The following FOXK2 variants were observed in gnomAD, a reference collection of about 807,000 sequenced individuals.
FOXK2 encodes the protein forkhead box K2, also known as forkhead box protein K2.
In FOXK2, 24 loss-of-function variants were observed where a neutral mutation model predicts 53.3. The ratio of observed to expected loss-of-function variants is 0.45; its 90% CI spans 0.33 to 0.63. The LOEUF is 0.63. FOXK2 is among the 30% of genes least tolerant of loss of function. FOXK2 has a pLI of 0.03. For synonymous variants in FOXK2, 505 were observed against 407.1 expected (o/e 1.24, Z -2.89); for missense variants, 952 against 910.5 (o/e 1.05, Z -0.59).
At chr17:82,527,638 G>A (rs1279970688) in intron 1 of FOXK2, among the ~76,000 whole-genome samples, 1 of 152,100 alleles carries the variant, frequency 6.6e-6, no homozygotes, top group Non-Finnish European at 1.5e-5. Flanking sequence ...CAAAACCGAA[G>A]ATATTCATTT....
At chr17:82,525,126 C>T (rs2044404049) in intron 1 of FOXK2, among the ~76,000 whole-genome samples, 1 of 151,914 alleles carries the variant, frequency 6.6e-6, no homozygotes, top group African/African-American at 2.4e-5. Flanking sequence ...CAGATGCCCG[C>T]CACCATGCCC....
chr17:82,546,637 C>T (rs543518955), intron 1 of FOXK2, among the ~76,000 whole-genome samples: 1 of 151,420 alleles, frequency 6.6e-6, no homozygotes, highest in Non-Finnish European at 1.5e-5. Flanking sequence ...TTTTCTTTTC[C>T]TTTTTTTTAA....
chr17:82,571,540 G>T (rs2044918292), intron 3 of FOXK2, among the ~76,000 whole-genome samples, 184 bp from the exon 4 acceptor site: 1 of 152,202 alleles, frequency 6.6e-6, no homozygotes, highest in African/African-American at 2.4e-5. Context: ...GGCGGAGACT[G>T]CAGTGAGCCA....
intron 1 of FOXK2, among the ~76,000 whole-genome samples, chr17:82,527,463 T>C (rs997072183): frequency 2.0e-5 from 3 of 152,034 alleles, no homozygotes; most frequent in African/African-American, 7.2e-5. Context: ...ACTCCGACTC[T>C]ACTAAAAATA....
At chr17:82,526,660 C>T (rs921722523) in intron 1 of FOXK2, among the ~76,000 whole-genome samples, 1 of 151,982 alleles carries the variant, frequency 6.6e-6, no homozygotes, top group Non-Finnish European at 1.5e-5. Flanking sequence ...GAAACCTCAT[C>T]TCTACTAAAA....
intron 7 of FOXK2, among the ~76,000 whole-genome samples, chr17:82,586,499 CCGGGGGGGAAAGGAGG>C (rs1567985417): frequency 0.029 from 396 of 13,858 alleles, 82 homozygotes; most frequent in Admixed American, 0.057. Context: ...CAAAGGTGGG[CCGGGGGGGAAAGGAGG>C]AGAGGGGAGA....
At chr17:82,571,003 T>C (rs1023970241) in intron 3 of FOXK2, among the ~76,000 whole-genome samples, 4 of 151,834 alleles carry the variant, frequency 2.6e-5, no homozygotes, top group Admixed American at 2.0e-4. Flanking sequence ...TGTGGATGGG[T>C]ATTTGGTGAG....
chr17:82,546,484 G>A (rs2044626717), intron 1 of FOXK2, among the ~76,000 whole-genome samples: 2 of 151,652 alleles, frequency 1.3e-5, no homozygotes, highest in Admixed American at 1.3e-4. Context: ...AGCTCGCCTT[G>A]TAAGTGTGGT....
Position 82,541,417 on chromosome 17 carries a change from C to T in FOXK2, c.419+21110C>T, listed in dbSNP as rs553139040. Among the ~76,000 whole-genome samples, 27 of 151,434 alleles carry T rather than the reference C, an allele frequency of 1.8e-4. No homozygotes were observed. In the East Asian group the frequency reaches 2.0e-3, roughly 11 times the overall value. On this transcript the variant is annotated intron_variant, in intron 1 of 8. Transcript: ENST00000335255. The stretch of plus-strand genomic sequence containing the variant: ...CCTCCCAAGTAGCTGGGATTACAGG[C>T]GCCCGCCATCACGCCCGGCTAATTT...
chr17:82,548,667 T>A (rs1481556011), intron 1 of FOXK2, among the ~76,000 whole-genome samples: 1 of 152,150 alleles, frequency 6.6e-6, no homozygotes, highest in East Asian at 1.9e-4. Flanking sequence ...TCAAAAGCAT[T>A]TGGAGGCTAC....
chr17:82,539,438 G>C (rs763027406), intron 1 of FOXK2, among the ~76,000 whole-genome samples: 86 of 152,254 alleles, frequency 5.6e-4, no homozygotes, highest in Admixed American at 2.0e-3. Flanking sequence ...GTTGAGGACA[G>C]GAGTTCGAGA....
At chr17:82,577,767 TTAC>T in intron 4 of FOXK2, among the ~76,000 whole-genome samples, 1 of 152,150 alleles carries the variant, frequency 6.6e-6, no homozygotes, top group East Asian at 1.9e-4. Flanking sequence ...GGACAGAGTC[TTAC>T]TCTGTTGCCC....
chr17:82,600,928 C>T (rs2045375809), intron 8 of FOXK2: 1 of 173,680 alleles, frequency 5.8e-6, no homozygotes, highest in South Asian at 1.5e-4. Context: ...AGGGCCATCT[C>T]CTGTCTGCCT....
At chr17:82,548,982 C>T (rs2044652010) in intron 1 of FOXK2, among the ~76,000 whole-genome samples, 1 of 152,228 alleles carries the variant, frequency 6.6e-6, no homozygotes, top group South Asian at 2.1e-4. Context: ...GCACTAAGAT[C>T]CCCAGCTGTT....
At chr17:82,560,275 T>C (rs954031248) in intron 1 of FOXK2, among the ~76,000 whole-genome samples, 5 of 152,172 alleles carry the variant, frequency 3.3e-5, no homozygotes, top group Non-Finnish European at 5.9e-5. Flanking sequence ...CCCAAAGTCC[T>C]GGAATTACAG....
chr17:82,546,080 C>T (rs2044621833), intron 1 of FOXK2, among the ~76,000 whole-genome samples: 1 of 145,948 alleles, frequency 6.9e-6, no homozygotes, highest in Admixed American at 7.0e-5. Flanking sequence ...GTTGAAGATC[C>T]TTCTATGTGC....
At chr17:82,577,465 T>TTAA (rs1420525318) in intron 4 of FOXK2, 10 of 345,462 alleles carry the variant, frequency 2.9e-5, no homozygotes, top group Non-Finnish European at 4.8e-5. Flanking sequence ...GGCGGCCGGG[T>TTAA]TAAGGTCTCG....
At chr17:82,521,812 C>T (rs1599873758) in intron 1 of FOXK2, among the ~76,000 whole-genome samples, 3 of 149,882 alleles carry the variant, frequency 2.0e-5, no homozygotes, top group South Asian at 2.1e-4. Flanking sequence ...CGGTGGCGGG[C>T]GCCTGTAGTC....
intron 1 of FOXK2, among the ~76,000 whole-genome samples, chr17:82,523,058 G>A (rs765607313): frequency 2.4e-4 from 37 of 152,364 alleles, no homozygotes; most frequent in Admixed American, 1.4e-3. Context: ...CTCCCAAAGT[G>A]CTGGGATTAC....
Sources: gnomAD v4.1 joint callset for allele counts (sites outside exome capture counted in the v4.1 genomes callset) on GRCh38, gnomAD v4.1.1 for gene constraint, MANE v1.5 for transcripts, NCBI Gene and HGNC (gene_info 2026-07-23, HGNC 2026-07-21) for gene names.